PAMR1: variants seen among roughly 807,000 people sequenced by gnomAD.
The protein encoded by PAMR1 is peptidase domain containing associated with muscle regeneration 1.
In PAMR1, 88 loss-of-function variants were observed where a neutral mutation model predicts 81.8. The observed-to-expected ratio is 1.08, with a 90% CI of 0.91 to 1.28. The LOEUF is 1.28. PAMR1 is among the 50% of genes most tolerant of loss of function. The probability of loss-of-function intolerance (pLI) is 0.00; values close to 1 mark genes in which losing one functional copy is unlikely to be tolerated. For missense variants in PAMR1, 935 were observed against 919.7 expected (o/e 1.02, Z -0.21); for synonymous variants, 336 against 345.3 (o/e 0.97, Z 0.30).
chr11:35,439,020 G>C (rs1209566014), intron 8 of PAMR1, among the ~76,000 whole-genome samples: 1 of 152,164 alleles, frequency 6.6e-6, no homozygotes, highest in Non-Finnish European at 1.5e-5. Context: ...GAAAATCAAG[G>C]AGGCCCGTGT....
chr11:35,472,863 G>A (rs958258036), intron 4 of PAMR1, among the ~76,000 whole-genome samples: 5 of 152,200 alleles, frequency 3.3e-5, no homozygotes, highest in African/African-American at 9.7e-5. Context: ...TGTGTGGTAA[G>A]GAATCTAGAT....
intron 3 of PAMR1, among the ~76,000 whole-genome samples, chr11:35,483,775 C>A (rs748568047): frequency 3.0e-4 from 45 of 152,262 alleles, no homozygotes; most frequent in Non-Finnish European, 5.3e-4. Context: ...TCCTTCTATA[C>A]CTTCACCAGA....
At chr11:35,525,184 T>C (rs17795186) in intron 1 of PAMR1, among the ~76,000 whole-genome samples, 32,025 of 152,098 alleles carry the variant, frequency 0.21, 3,621 homozygotes, top group Non-Finnish European at 0.25. Flanking sequence ...TAACTCAGAA[T>C]TGATTCCCTA....
intron 8 of PAMR1, among the ~76,000 whole-genome samples, chr11:35,438,074 G>A (rs959317716): frequency 5.3e-5 from 8 of 152,160 alleles, no homozygotes; most frequent in South Asian, 2.1e-4. Flanking sequence ...ATCACTGTCC[G>A]ATGAATTATG....
chr11:35,441,459 T>A (rs759302630), intron 7 of PAMR1, 22 bp downstream of exon 7: 2 of 1,576,060 alleles, frequency 1.3e-6, no homozygotes, highest in African/African-American at 1.4e-5. Flanking sequence ...GTCCGTAGAC[T>A]TCAGAAACAA....
chr11:35,525,847 C>T (rs1851377646), upstream of PAMR1: 1 of 539,406 alleles, frequency 1.9e-6, no homozygotes, highest in Non-Finnish European at 3.3e-6. Flanking sequence ...CCGCGGACGG[C>T]GGCTGCAAAG....
At chr11:35,445,416 G>A (rs1456059189) in intron 6 of PAMR1, among the ~76,000 whole-genome samples, 1 of 152,108 alleles carries the variant, frequency 6.6e-6, no homozygotes, top group Non-Finnish European at 1.5e-5. Context: ...CTTTTCTTGT[G>A]CCAGTTTTCG....
Position 35,492,157 on chromosome 11 carries a change from T to C in PAMR1, c.267A>G (p.Glu89=). The change falls in exon 3 of 11, where the codon GAA becomes GAG. Residue 89 remains glutamate, a synonymous_variant. Transcript: ENST00000619888. ...AGCCATTTCGGCAGCTCTTGCAGTTTTCAAAGATGGTACAACCTGAAACAT... is the reference window on the plus strand; with the variant it reads ...AGCCATTTCGGCAGCTCTTGCAGTTCTCAAAGATGGTACAACCTGAAACAT... ...CLIHPGCTIF[E]NCKSCRNGSW... 1 of 1,614,118 alleles carries C rather than the reference T, an allele frequency of 6.2e-7. No individual in the cohort carries two copies. The highest frequency in any genetic ancestry group is 8.5e-7 in the Non-Finnish European group (1 of 1,180,002).
chr11:35,504,028 T>C (rs599060), intron 1 of PAMR1, among the ~76,000 whole-genome samples: 47,554 of 151,994 alleles, frequency 0.31, 7,532 homozygotes, highest in African/African-American at 0.37. Context: ...ATGGCCTTTA[T>C]TATTTTGGAC....
Position 35,432,401 on chromosome 11 carries a change from G to T in PAMR1, c.2118C>A (p.Thr706=), listed in dbSNP as rs1565321071. 1.9e-6 allele frequency: 3 copies of T among 1,613,886 alleles called. No individual in the cohort carries two copies. The highest frequency in any genetic ancestry group is 2.7e-5 in the African/African-American group (2 of 75,076). Residue 706 remains threonine, a synonymous_variant, in exon 11 of 11, where the codon ACC becomes ACA. Transcript: ENST00000619888. ...TCSHRLSTAF[T]KVLPFKDWIE... ...TCCAGTCTTTAAAAGGCAGCACCTT[G>T]GTGAAGGCAGTGGAGAGCCTGTGGC... is the stretch of plus-strand genomic sequence containing the variant.
intron 3 of PAMR1, among the ~76,000 whole-genome samples, chr11:35,474,980 T>C (rs1320549997): frequency 1.3e-5 from 2 of 152,198 alleles, no homozygotes; most frequent in African/African-American, 4.8e-5. Flanking sequence ...CCTCACAATT[T>C]TCCAGCTGGG....
chr11:35,477,388 A>G (rs1006406062), intron 3 of PAMR1, among the ~76,000 whole-genome samples: 4 of 152,240 alleles, frequency 2.6e-5, no homozygotes, highest in African/African-American at 9.6e-5. Flanking sequence ...GTGGAACACT[A>G]AAGATGGAGA....
chr11:35,486,927 A>G (rs968230404), intron 3 of PAMR1, among the ~76,000 whole-genome samples: 30 of 152,002 alleles, frequency 2.0e-4, no homozygotes, highest in African/African-American at 6.8e-4. Flanking sequence ...TCCCTACTTC[A>G]CTCATTGGGA....
intron 6 of PAMR1, among the ~76,000 whole-genome samples, chr11:35,462,564 G>T (rs905706859): frequency 6.6e-6 from 1 of 152,180 alleles, no homozygotes; most frequent in Admixed American, 6.5e-5. Context: ...GTAGAAACTA[G>T]TGTTGTTGCC....
At chr11:35,525,644 G>T, upstream of PAMR1, 1 of 1,505,920 alleles carries the variant, frequency 6.6e-7, no homozygotes, top group Non-Finnish European at 9.2e-7. Flanking sequence ...ACCCAGGGAG[G>T]CCGGGGGCAG....
intron 1 of PAMR1, among the ~76,000 whole-genome samples, chr11:35,502,121 G>A (rs1298833657): frequency 1.3e-5 from 2 of 152,062 alleles, no homozygotes; most frequent in African/African-American, 2.4e-5. Context: ...TTTTAACTGG[G>A]TTGAGATGAT....
chr11:35,470,038 T>C (rs1856823354), intron 5 of PAMR1, among the ~76,000 whole-genome samples: 1 of 152,178 alleles, frequency 6.6e-6, no homozygotes, highest in African/African-American at 2.4e-5. Context: ...AGGTGGCAAG[T>C]GGAGGGTAAA....
intron 6 of PAMR1, among the ~76,000 whole-genome samples, chr11:35,460,874 C>G (rs1471159924): frequency 1.3e-5 from 2 of 152,094 alleles, no homozygotes; most frequent in Non-Finnish European, 1.5e-5. Context: ...GTTCTAGATC[C>G]CTGAGGAATC....
At chr11:35,442,672 C>T (rs1033618807) in intron 6 of PAMR1, among the ~76,000 whole-genome samples, 2 of 151,802 alleles carry the variant, frequency 1.3e-5, no homozygotes, top group East Asian at 1.9e-4. Context: ...AGTACAGTGG[C>T]GCAATCTTGG....
Sources: gnomAD v4.1 joint callset for allele counts (sites outside exome capture counted in the v4.1 genomes callset) on GRCh38, gnomAD v4.1.1 for gene constraint, MANE v1.5 for transcripts, NCBI Gene and HGNC (gene_info 2026-07-23, HGNC 2026-07-21) for gene names.